HS3ST4: variants seen among roughly 807,000 people sequenced by gnomAD.
The protein encoded by HS3ST4 is heparan sulfate glucosamine 3-O-sulfotransferase 4.
HS3ST4 carries 17 observed loss-of-function variants against 29.2 expected under a neutral mutation model. That is an observed-to-expected ratio of 0.58 (90% CI 0.40 to 0.87). The LOEUF is 0.87. Ranked by LOEUF, HS3ST4 falls within the 40% of genes least tolerant of loss-of-function variation. The pLI is 0.00. For missense variants in HS3ST4, 627 were observed against 634.5 expected, an observed-to-expected ratio of 0.99 and a Z score of 0.13; for synonymous variants, 314 against 285.7, an observed-to-expected ratio of 1.10 and a Z score of -1.00.
At chr16:25,897,533 G>GT (rs1968079694) in intron 1 of HS3ST4, among the ~76,000 whole-genome samples, 1 of 152,208 alleles carries the variant, frequency 6.6e-6, no homozygotes, top group Non-Finnish European at 1.5e-5. Context: ...TCCGGTCCCA[G>GT]AGGGGATCCT....
At chr16:26,077,583 T>G in intron 1 of HS3ST4, among the ~76,000 whole-genome samples, 1 of 152,234 alleles carries the variant, frequency 6.6e-6, no homozygotes, top group Admixed American at 6.5e-5. Context: ...AAAAGTCCCC[T>G]TTTGGAATAT....
chr16:25,956,760 A>T (rs1968736817), intron 1 of HS3ST4, among the ~76,000 whole-genome samples: 1 of 151,916 alleles, frequency 6.6e-6, no homozygotes, highest in African/African-American at 2.4e-5. Flanking sequence ...GCACTTTGGG[A>T]GGCTGAGGCG....
intron 1 of HS3ST4, among the ~76,000 whole-genome samples, chr16:25,981,944 C>G (rs922811631): frequency 3.3e-5 from 5 of 152,208 alleles, no homozygotes; most frequent in Non-Finnish European, 7.3e-5. Flanking sequence ...ATGAAACCTC[C>G]TTAACAGCTG....
intron 1 of HS3ST4, among the ~76,000 whole-genome samples, chr16:25,855,571 GTT>G: frequency 6.6e-6 from 1 of 152,160 alleles, no homozygotes; most frequent in East Asian, 1.9e-4. Flanking sequence ...CAAGGAGTCT[GTT>G]TTGTCAGTCT....
chr16:25,698,807 C>T (rs911828467), intron 1 of HS3ST4, among the ~76,000 whole-genome samples: 1 of 152,114 alleles, frequency 6.6e-6, no homozygotes, highest in African/African-American at 2.4e-5. Flanking sequence ...CATCTCCTTA[C>T]CCTTTTAAAC....
intron 1 of HS3ST4, among the ~76,000 whole-genome samples, chr16:25,949,508 C>T (rs1968662887): frequency 6.6e-6 from 1 of 152,078 alleles, no homozygotes; most frequent in African/African-American, 2.4e-5. Context: ...CAGAGGAAAC[C>T]AGAGCTGGAC....
intron 1 of HS3ST4, among the ~76,000 whole-genome samples, chr16:25,751,997 C>CT (rs59480781): frequency 2.2e-4 from 33 of 148,778 alleles, no homozygotes; most frequent in African/African-American, 3.7e-4. Context: ...TTCCATTTCC[C>CT]TTTTTTTTTT....
intron 1 of HS3ST4, among the ~76,000 whole-genome samples, chr16:26,004,318 A>G (rs1373640345): frequency 2.6e-5 from 4 of 152,182 alleles, no homozygotes; most frequent in Admixed American, 2.0e-4. Flanking sequence ...ACATTGATCT[A>G]TAACACACCA....
intron 1 of HS3ST4, among the ~76,000 whole-genome samples, chr16:25,706,176 G>A (rs1021739740): frequency 7.2e-5 from 11 of 152,026 alleles, no homozygotes; most frequent in Admixed American, 2.0e-4. Flanking sequence ...TTAAAATACC[G>A]AAACAACATA....
At chr16:25,704,482 T>C (rs1966360145) in intron 1 of HS3ST4, among the ~76,000 whole-genome samples, 1 of 152,084 alleles carries the variant, frequency 6.6e-6, no homozygotes, top group Non-Finnish European at 1.5e-5. Context: ...TTTTTAGAGA[T>C]GGTGTCTCGC....
intron 1 of HS3ST4, among the ~76,000 whole-genome samples, chr16:25,694,748 G>T (rs1966281165): frequency 6.6e-6 from 1 of 151,536 alleles, no homozygotes; most frequent in African/African-American, 2.4e-5. Context: ...AGTAGCTTTG[G>T]CCTTATGAGG....
In HS3ST4 at chr16:26,132,262, T is replaced by C. The variant is rs187198253; in HGVS notation, c.735-3350T>C. On this transcript the variant is annotated intron_variant, in intron 1 of 1. Transcript: ENST00000331351. Reference sequence around the variant, plus strand: ...TTTGAGGAAAGGGAGCTTTGTCCTTTATAGATTTCAAGCAACTACTGGATA... The same window carrying C: ...TTTGAGGAAAGGGAGCTTTGTCCTTCATAGATTTCAAGCAACTACTGGATA... Among the ~76,000 whole-genome samples, 932 of 152,242 alleles carry C rather than the reference T, an allele frequency of 6.1e-3. 38 individuals are homozygous for C. Among genetic ancestry groups the C allele is most frequent in the Non-Finnish European group, 1.8e-3 (125 of 68,006 alleles).
At chr16:25,872,916 G>A in intron 1 of HS3ST4, among the ~76,000 whole-genome samples, 1 of 151,658 alleles carries the variant, frequency 6.6e-6, no homozygotes, top group East Asian at 1.9e-4. Context: ...GTTTCGTTTT[G>A]CCAGAAATAT....
At chr16:25,965,164 C>T (rs1968831178) in intron 1 of HS3ST4, among the ~76,000 whole-genome samples, 2 of 151,992 alleles carry the variant, frequency 1.3e-5, no homozygotes, top group South Asian at 4.2e-4. Flanking sequence ...GGATCCCTAC[C>T]CTACAGTCTC....
intron 1 of HS3ST4, among the ~76,000 whole-genome samples, chr16:26,080,390 C>A (rs1898711365): frequency 6.6e-6 from 1 of 152,088 alleles, no homozygotes; most frequent in Admixed American, 6.5e-5. Context: ...TGAGGACGGA[C>A]AGATCAGATA....
intron 1 of HS3ST4, among the ~76,000 whole-genome samples, chr16:26,121,587 C>G (rs1899277941): frequency 2.0e-5 from 3 of 152,152 alleles, no homozygotes; most frequent in Admixed American, 2.0e-4. Context: ...GGAAGGCAGG[C>G]TGGCAGCATC....
chr16:25,693,735 C>A (rs1343999326), intron 1 of HS3ST4, among the ~76,000 whole-genome samples: 1 of 152,164 alleles, frequency 6.6e-6, no homozygotes, highest in African/African-American at 2.4e-5. Flanking sequence ...TTTCCATCCC[C>A]CTTGGCTGAA....
chr16:25,828,313 T>TTTCC (rs1206232969), intron 1 of HS3ST4, among the ~76,000 whole-genome samples: 1 of 120,870 alleles, frequency 8.3e-6, no homozygotes, highest in Non-Finnish European at 1.7e-5. Context: ...TCTCTCTCTC[T>TTTCC]CTCTCTCTCT....
At chr16:25,760,386 C>T (rs1332067617) in intron 1 of HS3ST4, among the ~76,000 whole-genome samples, 2 of 150,592 alleles carry the variant, frequency 1.3e-5, no homozygotes, top group Non-Finnish European at 2.9e-5. Flanking sequence ...ATAAGAACAC[C>T]TGTCTGTTGG....
Sources: allele counts gnomAD v4.1 joint callset (sites outside exome capture counted in the v4.1 genomes callset), GRCh38; gene constraint gnomAD v4.1.1; transcripts MANE v1.5; gene names NCBI Gene and HGNC (gene_info 2026-07-23, HGNC 2026-07-21).